Variants in NSD2 observed in about 807,000 individuals in gnomAD.
The protein encoded by NSD2 is nuclear receptor binding SET domain protein 2.
In NSD2, 12 loss-of-function variants were observed where a neutral mutation model predicts 139.0. The observed-to-expected ratio is 0.09, with a 90% confidence interval of 0.06 to 0.14. NSD2 has a LOEUF of 0.14. Among genes scored for constraint, NSD2 ranks in the 10% least tolerant of loss-of-function variants. The probability of loss-of-function intolerance (pLI) is 1.00; values close to 1 mark genes in which losing one functional copy is unlikely to be tolerated. For synonymous variants in NSD2, 669 were observed against 648.7 expected (o/e 1.03, Z -0.48); for missense variants, 1,155 against 1,745.0 (o/e 0.66, Z 6.02).
chr4:1,942,580 C>T lies in NSD2; in HGVS notation c.1881+2802C>T. On this transcript the variant is annotated intron_variant, in intron 9 of 21. Transcript: ENST00000508803. This position sits in a 1 kb window ranked among gnomAD's most constrained non-coding sequence, Gnocchi z 4.0. ...TTAAGACCAAGGTAAGATAACTAAT[C>T]AAGGCCATTTAATCCGTCACATTCA... 6 of 1,349,194 alleles carry T rather than the reference C, an allele frequency of 4.4e-6. No homozygotes were observed. Among genetic ancestry groups the T allele is most frequent in the Non-Finnish European group, 5.7e-6 (6 of 1,049,036 alleles). The allele number at this position is 1,349,194 out of a possible 1,614,324, so 83.6% of individuals were successfully genotyped here.
chr4:1,888,463 G>T (rs1715285439), intron 1 of NSD2, among the ~76,000 whole-genome samples: 1 of 148,238 alleles, frequency 6.7e-6, no homozygotes, highest in Admixed American at 6.8e-5. Context: ...AGAATCATCT[G>T]TGCATATCCT....
chr4:1,923,299 T>C lies in NSD2; in HGVS notation c.1410+4676T>C, dbSNP rs532928944. 5.8e-5 allele frequency among the ~76,000 whole-genome samples: 8 copies of C among 138,508 alleles called. No individual in the cohort carries two copies. The South Asian group carries it at 1.8e-3, about 31-fold the overall frequency. The allele number at this position is 138,508 out of a possible 152,430, so 90.9% of individuals were successfully genotyped here. A position where few individuals can be genotyped will look rare whatever the true frequency, so the allele number is the denominator to read the frequency against. On this transcript the variant is annotated intron_variant, in intron 5 of 21. Transcript: ENST00000508803. ...AGCCACTGCACCACTTCAGCCTGGGTGACAGAGACCCTGGCTCAAAAAAAA... is the reference window on the plus strand; with the variant it reads ...AGCCACTGCACCACTTCAGCCTGGGCGACAGAGACCCTGGCTCAAAAAAAA...
chr4:1,891,632 C>G (rs143428268), intron 1 of NSD2, among the ~76,000 whole-genome samples: 1 of 151,970 alleles, frequency 6.6e-6, no homozygotes, highest in Non-Finnish European at 1.5e-5. Flanking sequence ...GCGGGCAGTT[C>G]ACGAGGTGAG....
At chr4:1,895,653 T>A (rs1215162550) in intron 1 of NSD2, among the ~76,000 whole-genome samples, 4 of 152,214 alleles carry the variant, frequency 2.6e-5, no homozygotes, top group African/African-American at 4.8e-5. Context: ...CTCTCACTGC[T>A]GGTGGGAGGC....
chr4:1,936,831 C>T (rs978251700), intron 7 of NSD2, among the ~76,000 whole-genome samples: 7 of 152,042 alleles, frequency 4.6e-5, no homozygotes, highest in African/African-American at 7.2e-5. Flanking sequence ...ATGTGGACAC[C>T]ATATCATTTA....
In NSD2 at chr4:1,973,872, C is replaced by T. The variant is rs552251218; in HGVS notation, c.3373-991C>T. ...CCACGCGGTTGTGCGGTGGATCTGGCGGCTCCTCAGGTGGAGGCCGGGGCC... is the reference window on the plus strand; with the variant it reads ...CCACGCGGTTGTGCGGTGGATCTGGTGGCTCCTCAGGTGGAGGCCGGGGCC... On this transcript the variant is annotated intron_variant, in intron 18 of 21. Coordinates refer to ENST00000508803, the MANE Select transcript of NSD2 (RefSeq NM_001042424.3). The surrounding 1 kb of genome is among the most constrained non-coding windows in gnomAD (Gnocchi z 5.5). Among the ~76,000 whole-genome samples, 4 of 152,320 alleles carry T rather than the reference C, an allele frequency of 2.6e-5. No individual in the cohort carries two copies. Among genetic ancestry groups the T allele is most frequent in the South Asian group, 4.1e-4 (2 of 4,826 alleles).
chr4:1,881,758 G>C (rs1714708298), intron 1 of NSD2, among the ~76,000 whole-genome samples: 1 of 152,168 alleles, frequency 6.6e-6, no homozygotes, highest in African/African-American at 2.4e-5. Flanking sequence ...CACAAAGCAA[G>C]TCATGAAGGA....
chr4:1,952,958 A>G (rs2108948872), intron 11 of NSD2: 1 of 1,429,698 alleles, frequency 7.0e-7, no homozygotes, highest in Non-Finnish European at 9.1e-7. Context: ...CTGCCTGCCC[A>G]GAATGATAAG....
In NSD2 at chr4:1,872,621, A is replaced by C. The variant is rs974351026; in HGVS notation, c.-30+1079A>C. On this transcript the variant is annotated intron_variant, in intron 1 of 21. Transcript: ENST00000508803. ...GAGAGAGAGAGAGAGAGAGAGAGAGAGAGAGAGAGAGAGAGCGCGCAGACC... is the reference window on the plus strand; with the variant it reads ...GAGAGAGAGAGAGAGAGAGAGAGAGCGAGAGAGAGAGAGAGCGCGCAGACC... 1.4e-4 allele frequency among the ~76,000 whole-genome samples: 20 copies of C among 145,496 alleles called. 1 individual carries two copies. The highest frequency in any genetic ancestry group is 4.8e-4 in the African/African-American group (19 of 39,228).
intron 21 of NSD2, among the ~76,000 whole-genome samples, chr4:1,978,344 C>T (rs1244999693): frequency 2.0e-5 from 3 of 152,092 alleles, no homozygotes; most frequent in Non-Finnish European, 4.4e-5. Context: ...CCTGCCTGTC[C>T]ACGCCGCGCT....
chr4:1,922,647 C>T (rs2108820464), intron 5 of NSD2, among the ~76,000 whole-genome samples: 1 of 152,316 alleles, frequency 6.6e-6, no homozygotes, highest in South Asian at 2.1e-4. Context: ...AGTATTTGGC[C>T]AGGTGTGGTG....
chr4:1,955,871 G>A lies in NSD2; in HGVS notation c.2675+22G>A, dbSNP rs758798576. The A allele has an allele frequency of 1.2e-6, 2 of 1,611,814 alleles. No individual in the cohort carries two copies. Among genetic ancestry groups the A allele is most frequent in the Middle Eastern group, 3.3e-4 (2 of 6,072 alleles). On this transcript the variant is annotated intron_variant, in intron 14 of 21. Coordinates refer to ENST00000508803, the MANE Select transcript of NSD2 (RefSeq NM_001042424.3). The surrounding 1 kb of genome is among the most constrained non-coding windows in gnomAD (Gnocchi z 4.7). Reference sequence around the variant, plus strand: ...ACAGGTGTGAGACATAGAATCGTATGCTTTTATGTCTTTTCTGTTCACATG... The same window carrying A: ...ACAGGTGTGAGACATAGAATCGTATACTTTTATGTCTTTTCTGTTCACATG...
chr4:1,888,901 A>AT lies in NSD2; in HGVS notation c.-29-11709dup, dbSNP rs775054313. ...TTTTGAGCTTCCCATGTATATTAGT[A>AT]TTTTTTTTTTTTTTTTGAGACAGTC... On this transcript the variant is annotated intron_variant, in intron 1 of 21. Coordinates refer to ENST00000508803, the MANE Select transcript of NSD2 (RefSeq NM_001042424.3). Among the ~76,000 whole-genome samples, 1,140 of 118,920 alleles carry AT rather than the reference A, an allele frequency of 9.6e-3. 4 individuals are homozygous for AT. Among genetic ancestry groups the AT allele is most frequent in the South Asian group, 0.03 (111 of 3,676 alleles). The allele number at this position is 118,920 out of a possible 152,430, so 78.0% of individuals were successfully genotyped here. A position where few individuals can be genotyped will look rare whatever the true frequency, so the allele number is the denominator to read the frequency against.
intron 3 of NSD2, among the ~76,000 whole-genome samples, chr4:1,915,959 AG>A (rs1316619508): frequency 6.6e-6 from 1 of 152,050 alleles, no homozygotes; most frequent in African/African-American, 2.4e-5. Flanking sequence ...ATTTGACTTC[AG>A]TGGAATCTGG....
chr4:1,949,767 A>G (rs904869437), intron 9 of NSD2, among the ~76,000 whole-genome samples: 3 of 126,806 alleles, frequency 2.4e-5, no homozygotes, highest in African/African-American at 5.6e-5. Flanking sequence ...CTGTCTCGAG[A>G]AAAAAAAAAA....
intron 1 of NSD2, among the ~76,000 whole-genome samples, chr4:1,886,519 C>G (rs921060417): frequency 6.6e-6 from 1 of 152,070 alleles, no homozygotes; most frequent in East Asian, 1.9e-4. Flanking sequence ...TCAGCTGTTT[C>G]TATTTATCTG....
intron 9 of NSD2, chr4:1,940,173 G>C (rs1722941826): frequency 2.7e-6 from 3 of 1,092,750 alleles, no homozygotes; most frequent in Non-Finnish European, 3.4e-6. Context: ...TACTGGGTGG[G>C]GTGGAAGGCG....
intron 1 of NSD2, among the ~76,000 whole-genome samples, chr4:1,889,992 C>G (rs1299853074): frequency 2.0e-5 from 3 of 152,124 alleles, no homozygotes; most frequent in Non-Finnish European, 1.5e-5. Flanking sequence ...ACTTCCTATC[C>G]TCTCCTCTCC....
At position 1,942,050 on chromosome 4, in the gene NSD2, C is replaced by A. The variant is rs1279928392; in HGVS notation, c.1881+2272C>A. 8.6e-7 allele frequency: 1 copy of A among 1,156,466 alleles called. No homozygotes were observed. The highest frequency in any genetic ancestry group is 1.1e-6 in the Non-Finnish European group (1 of 934,136). 71.6% of individuals were successfully genotyped at this position (1,156,466 alleles called of 1,614,324 possible). On this transcript the variant is annotated intron_variant, in intron 9 of 21. Coordinates refer to ENST00000508803, the MANE Select transcript of NSD2 (RefSeq NM_001042424.3). The surrounding 1 kb of genome is among the most constrained non-coding windows in gnomAD (Gnocchi z 4.0). ...CATGTTTGTATTTCCTCCCTTTCAT[C>A]ACATTTGTTTGAAATAAGGTACTTT...
Sources: gnomAD v4.1 joint callset for allele counts (sites outside exome capture counted in the v4.1 genomes callset) on GRCh38, gnomAD v4.1.1 for gene constraint, Gnocchi (gnomAD v3.1) non-coding constraint, MANE v1.5 for transcripts, NCBI Gene and HGNC (gene_info 2026-07-23, HGNC 2026-07-21) for gene names.